Variants in ESRRB observed in about 807,000 individuals in gnomAD.
The protein encoded by ESRRB is steroid hormone receptor ERR2.
In ESRRB, 16 loss-of-function variants were observed where a neutral mutation model predicts 46.0. The observed-to-expected ratio is 0.35, with a 90% CI of 0.24 to 0.53. The LOEUF (loss-of-function observed/expected upper bound fraction) is 0.53, where lower values mean the gene tolerates loss of function less well. ESRRB is among the 20% of genes least tolerant of loss of function. The probability of loss-of-function intolerance (pLI) is 0.93; values close to 1 mark genes in which losing one functional copy is unlikely to be tolerated. For synonymous variants in ESRRB, 246 were observed against 259.6 expected (o/e 0.95, Z 0.50); for missense variants, 488 against 607.4 (o/e 0.80, Z 2.07).
intron 1 of ESRRB, among the ~76,000 whole-genome samples, chr14:76,311,571 T>C (rs1020459913): frequency 2.0e-5 from 3 of 152,246 alleles, no homozygotes; most frequent in East Asian, 3.8e-4. Flanking sequence ...CCTTACAGGC[T>C]GTCATTGGCT....
At chr14:76,343,746 T>C (rs1416502813) in intron 1 of ESRRB, among the ~76,000 whole-genome samples, 3 of 152,258 alleles carry the variant, frequency 2.0e-5, no homozygotes, top group Non-Finnish European at 2.9e-5. Flanking sequence ...TTGGAAATTA[T>C]GCATCATCGT....
chr14:76,370,084 C>G (rs139463184), upstream of ESRRB, among the ~76,000 whole-genome samples: 38 of 152,210 alleles, frequency 2.5e-4, no homozygotes, highest in African/African-American at 8.7e-4. Context: ...TTGTAATCAA[C>G]TATGTATGCT....
chr14:76,474,177 T>C (rs2140015425), intron 3 of ESRRB, among the ~76,000 whole-genome samples: 1 of 152,350 alleles, frequency 6.6e-6, no homozygotes, highest in Admixed American at 6.5e-5. Flanking sequence ...TTAATACATC[T>C]GACTGACAGT....
At chr14:76,470,797 C>A (rs1889348954) in intron 3 of ESRRB, among the ~76,000 whole-genome samples, 1 of 152,092 alleles carries the variant, frequency 6.6e-6, no homozygotes, top group Non-Finnish European at 1.5e-5. Flanking sequence ...AAGAGATCCT[C>A]CCCACCTCAG....
At chr14:76,480,355 A>G (rs1889758534) in intron 3 of ESRRB, among the ~76,000 whole-genome samples, 1 of 152,196 alleles carries the variant, frequency 6.6e-6, no homozygotes, top group Admixed American at 6.5e-5. Context: ...TGGAGTCCTG[A>G]ACTGAAAACA....
At chr14:76,422,904 G>A (rs946653439) in intron 1 of ESRRB, among the ~76,000 whole-genome samples, 1 of 152,120 alleles carries the variant, frequency 6.6e-6, no homozygotes, top group African/African-American at 2.4e-5. Context: ...TACACAGTGG[G>A]GTTCTGGCTC....
intron 3 of ESRRB, among the ~76,000 whole-genome samples, chr14:76,465,587 C>T (rs1159985650): frequency 2.6e-5 from 4 of 152,126 alleles, no homozygotes; most frequent in Non-Finnish European, 4.4e-5. Flanking sequence ...ACCCCTGCTG[C>T]CTCAAGTGGG....
intron 3 of ESRRB, among the ~76,000 whole-genome samples, chr14:76,467,640 G>A (rs1035487286): frequency 4.6e-5 from 7 of 152,034 alleles, no homozygotes; most frequent in Non-Finnish European, 7.4e-5. Context: ...TAGATTTGTT[G>A]GTGGGAATCT....
At chr14:76,324,963 C>CTTTTTTTTTTTTTTTTTTTTTTTT (rs34780208) in intron 1 of ESRRB, among the ~76,000 whole-genome samples, 5 of 102,196 alleles carry the variant, frequency 4.9e-5, no homozygotes, top group Non-Finnish European at 8.0e-5. Flanking sequence ...TTTTCTTTTT[C>CTTTTTTTTTTTTTTTTTTTTTTTT]TTTTTTTTTT....
chr14:76,340,778 A>T (rs967398807), intron 1 of ESRRB, among the ~76,000 whole-genome samples: 1 of 152,186 alleles, frequency 6.6e-6, no homozygotes, highest in Non-Finnish European at 1.5e-5. Flanking sequence ...GACTTTGTAG[A>T]CAAGGCACAA....
intron 1 of ESRRB, among the ~76,000 whole-genome samples, chr14:76,414,693 ACTATT>A (rs1433029976): frequency 1.4e-5 from 2 of 142,736 alleles, no homozygotes; most frequent in African/African-American, 2.6e-5. Context: ...AAAAAAAAAA[ACTATT>A]CTAGATTTAA....
intron 1 of ESRRB, among the ~76,000 whole-genome samples, chr14:76,422,660 A>G (rs10147540): frequency 0.19 from 28,654 of 152,200 alleles, 2,816 homozygotes; most frequent in Admixed American, 0.25. Flanking sequence ...CAGGTGCCCA[A>G]TGCTTCACAT....
intron 5 of ESRRB, among the ~76,000 whole-genome samples, chr14:76,484,001 C>T (rs1889908575): frequency 6.6e-6 from 1 of 152,100 alleles, no homozygotes; most frequent in African/African-American, 2.4e-5. Flanking sequence ...TTACAGGTGC[C>T]TGCCACCACA....
chr14:76,429,793 A>C (rs2139908880), intron 1 of ESRRB, among the ~76,000 whole-genome samples: 1 of 152,266 alleles, frequency 6.6e-6, no homozygotes, highest in East Asian at 1.9e-4. Context: ...TAGGCAGTTC[A>C]GATTACTCAG....
chr14:76,418,249 C>CTTTTTCCACTTT (rs1886795772), intron 1 of ESRRB, among the ~76,000 whole-genome samples: 2 of 152,160 alleles, frequency 1.3e-5, no homozygotes, highest in Admixed American at 6.5e-5. Context: ...GCCACTGCGC[C>CTTTTTCCACTTT]TGACCTTTTT....
intron 3 of ESRRB, among the ~76,000 whole-genome samples, chr14:76,464,481 G>A (rs1889022793): frequency 6.6e-6 from 1 of 152,218 alleles, no homozygotes; most frequent in Non-Finnish European, 1.5e-5. Flanking sequence ...CCATAAAACA[G>A]AAGCTCTTGA....
Position 76,381,176 on chromosome 14 carries a change from G to A in ESRRB, c.50+4725G>A, listed in dbSNP as rs188793723. On this transcript the variant is annotated intron_variant, in intron 1 of 6. Coordinates refer to ENST00000644823, the MANE Select transcript of ESRRB (RefSeq NM_001379180.1). ...GGTGGGATTATATCCTTTTAGCCCC[G>A]TCAGCTGGTATGGCTTCGTCCCTGC... Among the ~76,000 whole-genome samples, 142 of 152,244 alleles carry A rather than the reference G, an allele frequency of 9.3e-4. 1 individual carries two copies. Among genetic ancestry groups the A allele is most frequent in the Non-Finnish European group, 1.5e-3 (104 of 68,016 alleles).
At position 76,364,194 on chromosome 14, in the gene ESRRB, A is replaced by G. The variant is rs1884495869; in HGVS notation, c.2+53278A>G. 2.0e-5 allele frequency among the ~76,000 whole-genome samples: 3 copies of G among 152,212 alleles called. No homozygotes were observed. In the South Asian group the frequency reaches 6.2e-4, roughly 31 times the overall value. ...CTATGGTTTTTACAGTGATTGCCCA[A>G]AAGAGAGGAACCAACCATATGATTG... On this transcript the variant is annotated intron_variant, in intron 1 of 6. Transcript: ENST00000512784.
At chr14:76,437,631 G>T (rs200074979) in intron 1 of ESRRB, among the ~76,000 whole-genome samples, 7 of 152,136 alleles carry the variant, frequency 4.6e-5, no homozygotes, top group African/African-American at 1.2e-4. Flanking sequence ...ACCTCCATAG[G>T]GGGAGGCTCA....
Sources: allele counts gnomAD v4.1 joint callset (sites outside exome capture counted in the v4.1 genomes callset), GRCh38; gene constraint gnomAD v4.1.1; transcripts MANE v1.5; gene names NCBI Gene and HGNC (gene_info 2026-07-23, HGNC 2026-07-21).